PLEKHA7: variants seen among roughly 807,000 people sequenced by gnomAD.
PLEKHA7 encodes pleckstrin homology domain-containing family A member 7.
Under a neutral mutation model 170.0 loss-of-function variants are expected in PLEKHA7, and 104 were observed. That is an observed-to-expected ratio of 0.61 (90% CI 0.52 to 0.72). PLEKHA7 has a LOEUF of 0.72. Among genes scored for constraint, PLEKHA7 ranks in the 30% least tolerant of loss-of-function variants. PLEKHA7 has a pLI of 0.00. For synonymous variants in PLEKHA7, 648 were observed against 660.8 expected, an observed-to-expected ratio of 0.98 and a Z score of 0.30; for missense variants, 1,615 against 1,671.7, an observed-to-expected ratio of 0.97 and a Z score of 0.59.
intron 3 of PLEKHA7, among the ~76,000 whole-genome samples, chr11:16,880,079 T>C (rs1328622294): frequency 2.6e-5 from 4 of 152,200 alleles, no homozygotes; most frequent in Non-Finnish European, 5.9e-5. Context: ...TAATTTTCTT[T>C]TTTAAGGAAG....
At chr11:16,938,260 T>C (rs1177875844) in intron 3 of PLEKHA7, among the ~76,000 whole-genome samples, 1 of 152,152 alleles carries the variant, frequency 6.6e-6, no homozygotes, top group African/African-American at 2.4e-5. Context: ...TGCTGGTGTG[T>C]TACCCTAGAA....
intron 3 of PLEKHA7, among the ~76,000 whole-genome samples, chr11:17,010,589 GA>G (rs1865268395): frequency 6.6e-6 from 1 of 152,188 alleles, no homozygotes; most frequent in Admixed American, 6.5e-5. Flanking sequence ...CTAGGAGACA[GA>G]GGAAGATTCT....
chr11:16,930,564 C>T (rs972883457), intron 3 of PLEKHA7, among the ~76,000 whole-genome samples: 6 of 152,110 alleles, frequency 3.9e-5, no homozygotes, highest in African/African-American at 1.2e-4. Flanking sequence ...AATCCCTTAC[C>T]AGTCATTGCA....
At chr11:16,902,135 C>T (rs545253940) in intron 3 of PLEKHA7, among the ~76,000 whole-genome samples, 2 of 152,304 alleles carry the variant, frequency 1.3e-5, no homozygotes, top group Non-Finnish European at 1.5e-5. Context: ...ATAATGTTTA[C>T]AAGGTTCATT....
chr11:16,875,082 A>T (rs546980538), intron 3 of PLEKHA7, among the ~76,000 whole-genome samples: 86 of 152,350 alleles, frequency 5.6e-4, no homozygotes, highest in Middle Eastern at 3.4e-3. Flanking sequence ...CTGTCATTTG[A>T]TCAGACCTAG....
intron 3 of PLEKHA7, among the ~76,000 whole-genome samples, chr11:16,903,652 A>C (rs1857477668): frequency 6.6e-6 from 1 of 152,208 alleles, no homozygotes; most frequent in Non-Finnish European, 1.5e-5. Context: ...CAGCATAAAG[A>C]AAGGGGAGTC....
intron 3 of PLEKHA7, among the ~76,000 whole-genome samples, chr11:16,941,727 T>G (rs1229381710): frequency 6.6e-6 from 1 of 152,210 alleles, no homozygotes. Context: ...TGCCCAAGAT[T>G]ATACCATGAA....
Position 16,789,401 on chromosome 11 carries a change from A to G in PLEKHA7, c.3157-105T>C. The stretch of plus-strand genomic sequence containing the variant: ...TTCCCGTTGTCTCTCTCTCACACAC[A>G]TGCACACTCTAGTTGGGCTCCTCTT... On this transcript the variant is annotated intron_variant, in intron 22 of 26. Coordinates refer to ENST00000531066, the MANE Select transcript of PLEKHA7 (RefSeq NM_001329630.2). The surrounding 1 kb of genome is among the most constrained non-coding windows in gnomAD (Gnocchi z 4.6). The G allele has an allele frequency of 9.4e-7, 1 of 1,069,440 alleles. No individual in the cohort carries two copies. The highest frequency in any genetic ancestry group is 1.4e-6 in the Non-Finnish European group (1 of 712,554). The allele number at this position is 1,069,440 out of a possible 1,614,324, so 66.2% of individuals were successfully genotyped here. A position where few individuals can be genotyped will look rare whatever the true frequency, so the allele number is the denominator to read the frequency against.
At chr11:16,854,371 T>C (rs1280627848) in intron 6 of PLEKHA7, among the ~76,000 whole-genome samples, 2 of 152,030 alleles carry the variant, frequency 1.3e-5, no homozygotes, top group Admixed American at 6.5e-5. Context: ...CCTGGGAGAA[T>C]GGTGGTACCA....
At chr11:16,882,384 C>A (rs1224709276) in intron 3 of PLEKHA7, among the ~76,000 whole-genome samples, 1 of 152,202 alleles carries the variant, frequency 6.6e-6, no homozygotes, top group African/African-American at 2.4e-5. Flanking sequence ...TCACAAGCCT[C>A]CTCCAGGCCC....
intron 17 of PLEKHA7, among the ~76,000 whole-genome samples, chr11:16,798,861 C>T (rs891068439): frequency 4.5e-4 from 69 of 152,216 alleles, no homozygotes; most frequent in African/African-American, 1.5e-3. Flanking sequence ...ATCCTTATCA[C>T]ACCACCATTT....
At chr11:16,944,880 C>G (rs901344920) in intron 3 of PLEKHA7, among the ~76,000 whole-genome samples, 1 of 152,176 alleles carries the variant, frequency 6.6e-6, no homozygotes, top group South Asian at 2.1e-4. Flanking sequence ...TAATCCTTAA[C>G]AACAATCTTA....
At chr11:16,980,610 G>C (rs1020951433) in intron 3 of PLEKHA7, among the ~76,000 whole-genome samples, 14 of 152,236 alleles carry the variant, frequency 9.2e-5, no homozygotes, top group African/African-American at 3.4e-4. Context: ...TTTGGTTTGG[G>C]GGGGATAGGG....
chr11:16,918,574 C>T (rs1858859612), intron 3 of PLEKHA7, among the ~76,000 whole-genome samples: 1 of 152,172 alleles, frequency 6.6e-6, no homozygotes, highest in Non-Finnish European at 1.5e-5. Context: ...GGTAAAATGC[C>T]CAGCAAGTAG....
intron 3 of PLEKHA7, among the ~76,000 whole-genome samples, chr11:16,931,935 T>C (rs903218499): frequency 2.6e-5 from 4 of 152,218 alleles, no homozygotes; most frequent in African/African-American, 7.2e-5. Context: ...GGAAGGTCTA[T>C]AAAACTGTTA....
chr11:16,892,403 A>G (rs180791643), intron 3 of PLEKHA7, among the ~76,000 whole-genome samples: 2 of 88,626 alleles, frequency 2.3e-5, no homozygotes, highest in Non-Finnish European at 5.7e-5. Flanking sequence ...AGGTTGTTTT[A>G]TTTTGTGTGT....
intron 9 of PLEKHA7, among the ~76,000 whole-genome samples, chr11:16,836,015 C>T (rs1425807915): frequency 6.6e-6 from 1 of 152,218 alleles, no homozygotes; most frequent in African/African-American, 2.4e-5. Flanking sequence ...GCATGTGTTT[C>T]AGGCCTCTGC....
At chr11:16,812,660 G>A (rs1849454696) in intron 13 of PLEKHA7, among the ~76,000 whole-genome samples, 1 of 152,260 alleles carries the variant, frequency 6.6e-6, no homozygotes, top group Non-Finnish European at 1.5e-5. Context: ...AACCGAGATG[G>A]GAGACTACCG....
At chr11:16,906,261 A>AGGAAGGAAGGAG (rs1016123705) in intron 3 of PLEKHA7, among the ~76,000 whole-genome samples, 3 of 114,744 alleles carry the variant, frequency 2.6e-5, no homozygotes, top group African/African-American at 6.2e-5. Flanking sequence ...GAAGGAAGGA[A>AGGAAGGAAGGAG]GGAAGGAAGG....
Sources: allele counts gnomAD v4.1 joint callset (sites outside exome capture counted in the v4.1 genomes callset), GRCh38; gene constraint gnomAD v4.1.1; non-coding constraint Gnocchi (gnomAD v3.1); transcripts MANE v1.5; gene names NCBI Gene and HGNC (gene_info 2026-07-23, HGNC 2026-07-21).